The following NRG1 variants were observed in gnomAD, a reference collection of about 807,000 sequenced individuals.
The protein encoded by NRG1 is neuregulin 1.
NRG1 carries 18 observed loss-of-function variants against 63.8 expected under a neutral mutation model. That is an observed-to-expected ratio of 0.28 (90% CI 0.19 to 0.42). The LOEUF (loss-of-function observed/expected upper bound fraction) is 0.42, where lower values mean the gene tolerates loss of function less well. Ranked by LOEUF, NRG1 falls within the 10% of genes least tolerant of loss-of-function variation. The pLI is 1.00. For synonymous variants in NRG1, 302 were observed against 301.3 expected (o/e 1.00, Z -0.02); for missense variants, 762 against 814.7 (o/e 0.94, Z 0.79).
chr8:32,605,296 G>T lies in NRG1; in HGVS notation c.279-266G>T, dbSNP rs567984523. Among the ~76,000 whole-genome samples, 77 of 152,234 alleles carry T rather than the reference G, an allele frequency of 5.1e-4. 1 individual carries two copies. Among genetic ancestry groups the T allele is most frequent in the African/African-American group, 1.8e-3 (74 of 41,566 alleles). The stretch of plus-strand genomic sequence containing the variant: ...ATTGGTGATGGTAAGGGAGTAAAAA[G>T]AAAAACTACAGAAGAATTCCTTTAA... On this transcript the variant is annotated intron_variant, in intron 2 of 11. Coordinates refer to ENST00000356819, the Ensembl canonical transcript of NRG1.
chr8:32,511,355 C>T (rs143018661), intron 1 of NRG1, among the ~76,000 whole-genome samples: 62 of 97,922 alleles, frequency 6.3e-4, no homozygotes, highest in African/African-American at 2.1e-3. Flanking sequence ...GTCTGTCTGT[C>T]GATATATATG....
chr8:32,683,313 C>T (rs909506553), intron 5 of NRG1, among the ~76,000 whole-genome samples: 2 of 152,130 alleles, frequency 1.3e-5, no homozygotes, highest in Non-Finnish European at 1.5e-5. Flanking sequence ...ATAGTACTGT[C>T]AGGGAGGCTC....
chr8:32,107,932 CT>C (rs1170928163), intron 1 of NRG1, among the ~76,000 whole-genome samples: 7 of 152,120 alleles, frequency 4.6e-5, no homozygotes, highest in Admixed American at 3.3e-4. Context: ...TCCTTCACCC[CT>C]ATGTTAATGT....
At chr8:31,919,470 A>G (rs16878422) in intron 1 of NRG1, among the ~76,000 whole-genome samples, 21,401 of 151,576 alleles carry the variant, frequency 0.14, 1,969 homozygotes, top group Non-Finnish European at 0.19. Flanking sequence ...GAGATTGTAT[A>G]TTTTGAAAAT....
Position 32,773,414 on chromosome 8 carries a change from C to G in NRG1, c.942+13008C>G, listed in dbSNP as rs185109336. ...AGTCAGTGAGATGAAGGGTTCCACT[C>G]GGGGTCAAAATCATGTCAGTTACCA... On this transcript the variant is annotated intron_variant, in intron 7 of 7. Coordinates refer to the NRG1 transcript ENST00000651335. 2.3e-4 allele frequency among the ~76,000 whole-genome samples: 35 copies of G among 152,206 alleles called. 1 individual carries two copies. In the South Asian group the frequency reaches 6.9e-3, roughly 30 times the overall value.
chr8:32,049,493 G>A (rs1308258788), intron 1 of NRG1, among the ~76,000 whole-genome samples: 1 of 152,082 alleles, frequency 6.6e-6, no homozygotes, highest in Admixed American at 6.6e-5. Flanking sequence ...GATTTAATCA[G>A]TTTTAGTTTA....
intron 1 of NRG1, among the ~76,000 whole-genome samples, chr8:31,854,207 C>G (rs974636322): frequency 1.5e-4 from 22 of 151,370 alleles, no homozygotes; most frequent in Non-Finnish European, 3.0e-4. Context: ...CTCCTTGTAC[C>G]TCTGGTAGAA....
At chr8:32,042,581 A>G (rs1297028161) in intron 1 of NRG1, among the ~76,000 whole-genome samples, 1 of 152,222 alleles carries the variant, frequency 6.6e-6, no homozygotes, top group Non-Finnish European at 1.5e-5. Flanking sequence ...TAACACTGAG[A>G]TGACAGATCT....
rs575227808 is a variant in NRG1 at position 31,857,297 on chromosome 8, C to T, written c.37+217866C>T. On this transcript the variant is annotated intron_variant, in intron 1 of 10. Coordinates refer to the NRG1 transcript ENST00000519301. ...GGTGTAGGACCCTCTGAGCCAGGTG[C>T]GGGATATAATCTCCTGATGCGCTGT... 9.2e-5 allele frequency among the ~76,000 whole-genome samples: 14 copies of T among 152,254 alleles called. No individual in the cohort carries two copies. The East Asian group carries it at 9.7e-4, about 11-fold the overall frequency.
At chr8:32,460,801 CT>C (rs886211269) in intron 1 of NRG1, among the ~76,000 whole-genome samples, 33 of 151,196 alleles carry the variant, frequency 2.2e-4, no homozygotes, top group Middle Eastern at 3.4e-3. Context: ...TATTTTACTG[CT>C]TTTTTTTTGT....
At chr8:31,676,619 C>T (rs963091387) in intron 1 of NRG1, among the ~76,000 whole-genome samples, 1 of 152,108 alleles carries the variant, frequency 6.6e-6, no homozygotes, top group Admixed American at 6.5e-5. Context: ...CCCTCCAGTC[C>T]GTGTTTGATA....
chr8:32,161,242 G>A (rs1421018015), intron 1 of NRG1, among the ~76,000 whole-genome samples: 1 of 151,800 alleles, frequency 6.6e-6, no homozygotes, highest in Admixed American at 6.6e-5. Context: ...TAAGTCATTT[G>A]ATGAATTCTC....
intron 1 of NRG1, among the ~76,000 whole-genome samples, chr8:32,176,669 A>T (rs535738814): frequency 7.2e-4 from 110 of 152,366 alleles, no homozygotes; most frequent in Non-Finnish European, 4.7e-4. Flanking sequence ...TGGGTGAAGG[A>T]TATGAACAGA....
chr8:31,735,249 G>T (rs1381379881), intron 1 of NRG1, among the ~76,000 whole-genome samples: 2 of 152,058 alleles, frequency 1.3e-5, no homozygotes, highest in Non-Finnish European at 2.9e-5. Flanking sequence ...TAAGCCAAAA[G>T]TGGTTTATGA....
chr8:32,661,600 A>G (rs894342060), intron 5 of NRG1, among the ~76,000 whole-genome samples: 1 of 151,898 alleles, frequency 6.6e-6, no homozygotes, highest in Non-Finnish European at 1.5e-5. Flanking sequence ...GGTCTAAAAA[A>G]CAGGAATGCC....
At chr8:32,127,888 C>G (rs1180298022) in intron 1 of NRG1, among the ~76,000 whole-genome samples, 1 of 151,798 alleles carries the variant, frequency 6.6e-6, no homozygotes, top group African/African-American at 2.4e-5. Flanking sequence ...TAACACATAA[C>G]TAGCCACTGT....
chr8:32,387,642 T>A (rs992232586), intron 1 of NRG1, among the ~76,000 whole-genome samples: 1 of 152,148 alleles, frequency 6.6e-6, no homozygotes, highest in African/African-American at 2.4e-5. Context: ...TCCTACTGAT[T>A]CTTTACCCTA....
At chr8:32,217,823 G>GC (rs1473792861) in intron 1 of NRG1, among the ~76,000 whole-genome samples, 3 of 152,052 alleles carry the variant, frequency 2.0e-5, no homozygotes, top group Non-Finnish European at 4.4e-5. Context: ...AAACAGTCCT[G>GC]CCCCCATGAA....
Position 32,338,001 on chromosome 8 carries a change from G to T in NRG1, c.38-257827G>T, listed in dbSNP as rs185924029. Among the ~76,000 whole-genome samples, 11 of 152,212 alleles carry T rather than the reference G, an allele frequency of 7.2e-5. No individual in the cohort carries two copies. The East Asian group carries it at 2.1e-3, about 29-fold the overall frequency. On this transcript the variant is annotated intron_variant, in intron 1 of 10. Coordinates refer to the NRG1 transcript ENST00000519301. The stretch of plus-strand genomic sequence containing the variant: ...TCTTTTTTAACATGTAACCCAATTT[G>T]CTCCTAATAGACTTGGAATACACAG...
Sources: gnomAD v4.1 joint callset for allele counts (sites outside exome capture counted in the v4.1 genomes callset) on GRCh38, gnomAD v4.1.1 for gene constraint, MANE v1.5 for transcripts, NCBI Gene and HGNC (gene_info 2026-07-23, HGNC 2026-07-21) for gene names.